CEP85L: variants seen among roughly 807,000 people sequenced by gnomAD.
CEP85L encodes the protein centrosomal protein of 85 kDa-like.
A neutral mutation model predicts 100.3 loss-of-function variants in CEP85L; 60 were observed. That is an observed-to-expected ratio of 0.60 (90% CI 0.49 to 0.74). The LOEUF (loss-of-function observed/expected upper bound fraction) is 0.74. Ranked by LOEUF, CEP85L falls within the 30% of genes least tolerant of loss-of-function variation. CEP85L has a pLI of 0.00. For missense variants in CEP85L, 973 were observed against 936.2 expected (o/e 1.04, Z -0.51); for synonymous variants, 319 against 322.7 (o/e 0.99, Z 0.12).
At chr6:118,697,753 C>A (rs1777261142) in intron 1 of CEP85L, among the ~76,000 whole-genome samples, 4 of 152,184 alleles carry the variant, frequency 2.6e-5, no homozygotes, top group Admixed American at 2.6e-4. Context: ...GATGCACTCA[C>A]ATATATACTA....
At chr6:118,577,550 C>A (rs1300805953) in intron 2 of CEP85L, among the ~76,000 whole-genome samples, 1 of 152,098 alleles carries the variant, frequency 6.6e-6, no homozygotes, top group Non-Finnish European at 1.5e-5. Context: ...AAAATGTAAA[C>A]TGGATAAATT....
intron 3 of CEP85L, among the ~76,000 whole-genome samples, chr6:118,538,295 G>A (rs1002533273): frequency 4.0e-5 from 6 of 151,732 alleles, no homozygotes; most frequent in Non-Finnish European, 7.4e-5. Context: ...AACTCTGTAA[G>A]CTTTTTGACA....
chr6:118,596,658 AT>A (rs200891597), intron 2 of CEP85L, among the ~76,000 whole-genome samples: 5 of 151,664 alleles, frequency 3.3e-5, no homozygotes, highest in African/African-American at 1.2e-4. Context: ...AATACAACTG[AT>A]TTTTTTAAAA....
upstream of CEP85L, chr6:118,651,873 T>C: frequency 1.0e-6 from 1 of 985,476 alleles, no homozygotes; most frequent in Non-Finnish European, 1.2e-6. Context: ...CTCCCTTGGG[T>C]AATCCCTCAC....
At chr6:118,585,890 C>T (rs62422189) in intron 2 of CEP85L, among the ~76,000 whole-genome samples, 19,948 of 152,156 alleles carry the variant, frequency 0.13, 1,666 homozygotes, top group Non-Finnish European at 0.18. Flanking sequence ...AGACAAAGGG[C>T]ATTCAATACC....
At chr6:118,571,006 A>G (rs1261912578) in intron 2 of CEP85L, among the ~76,000 whole-genome samples, 1 of 152,074 alleles carries the variant, frequency 6.6e-6, no homozygotes, top group East Asian at 1.9e-4. Context: ...AGAATTAAAT[A>G]TAAGAATTAA....
At chr6:118,581,882 C>A (rs1031017226) in intron 2 of CEP85L, among the ~76,000 whole-genome samples, 1 of 152,084 alleles carries the variant, frequency 6.6e-6, no homozygotes, top group African/African-American at 2.4e-5. Flanking sequence ...ATAAACCTGG[C>A]CCGCTGCGGG....
chr6:118,523,951 C>G (rs1314493703), intron 3 of CEP85L, 31 bp from the exon 4 acceptor site: 1 of 917,744 alleles, frequency 1.1e-6, no homozygotes, highest in African/African-American at 1.7e-5. Flanking sequence ...AATTAGTATA[C>G]TAAAATATTT....
intron 1 of CEP85L, among the ~76,000 whole-genome samples, chr6:118,679,370 C>G (rs538372347): frequency 2.0e-5 from 3 of 152,060 alleles, no homozygotes; most frequent in Non-Finnish European, 4.4e-5. Context: ...GATTACTAAC[C>G]AGGAAGTAAT....
chr6:118,477,551 T>C (rs1451973392), intron 10 of CEP85L, among the ~76,000 whole-genome samples: 1 of 151,358 alleles, frequency 6.6e-6, no homozygotes, highest in African/African-American at 2.4e-5. Context: ...TAGCCTGGGA[T>C]TTTTTTTTCC....
At chr6:118,591,863 G>A (rs77175832) in intron 2 of CEP85L, among the ~76,000 whole-genome samples, 5,751 of 152,212 alleles carry the variant, frequency 0.038, 210 homozygotes, top group East Asian at 0.2. Flanking sequence ...TATACATCAT[G>A]TTTAAGAATT....
At chr6:118,580,953 A>AT (rs1780540355) in intron 2 of CEP85L, among the ~76,000 whole-genome samples, 1 of 152,048 alleles carries the variant, frequency 6.6e-6, no homozygotes, top group African/African-American at 2.4e-5. Flanking sequence ...AGCACACGGC[A>AT]TTTCCAGGTC....
intron 6 of CEP85L, among the ~76,000 whole-genome samples, chr6:118,484,128 G>C (rs1774001045): frequency 6.6e-6 from 1 of 152,020 alleles, no homozygotes; most frequent in African/African-American, 2.4e-5. Context: ...TGGCCAATAT[G>C]GCAAAACCCT....
chr6:118,587,148 T>C (rs1780908985), intron 2 of CEP85L, among the ~76,000 whole-genome samples: 1 of 152,226 alleles, frequency 6.6e-6, no homozygotes, highest in South Asian at 2.1e-4. Flanking sequence ...AGGAACCTTA[T>C]AGTTACCCGG....
chr6:118,651,165 C>A, intron 1 of CEP85L, 32 bp downstream of exon 1: 6 of 1,484,598 alleles, frequency 4.0e-6, no homozygotes, highest in Non-Finnish European at 5.3e-6. Flanking sequence ...CCGTGACCCC[C>A]ACCCCAGCCG....
chr6:118,599,886 T>C (rs1409355880), intron 2 of CEP85L, among the ~76,000 whole-genome samples: 3 of 152,056 alleles, frequency 2.0e-5, no homozygotes, highest in Non-Finnish European at 4.4e-5. Context: ...GTTAAGGTTA[T>C]GAAAAATAGG....
intron 3 of CEP85L, among the ~76,000 whole-genome samples, chr6:118,543,817 C>T (rs1346780663): frequency 6.6e-6 from 1 of 152,112 alleles, no homozygotes; most frequent in Non-Finnish European, 1.5e-5. Context: ...ATAAAAAGTT[C>T]TCAGCATGTG....
chr6:118,688,722 C>T (rs1776927833), intron 1 of CEP85L, among the ~76,000 whole-genome samples: 1 of 152,196 alleles, frequency 6.6e-6, no homozygotes, highest in Admixed American at 6.5e-5. Flanking sequence ...ACGTTGGAGC[C>T]TCCTTTCCAT....
chr6:118,693,964 T>C (rs1363631223), intron 1 of CEP85L, among the ~76,000 whole-genome samples: 1 of 152,150 alleles, frequency 6.6e-6, no homozygotes, highest in Non-Finnish European at 1.5e-5. Context: ...ATTTTGGGCT[T>C]CTGGGGTGAA....
Sources: allele counts gnomAD v4.1 joint callset (sites outside exome capture counted in the v4.1 genomes callset), GRCh38; gene constraint gnomAD v4.1.1; transcripts MANE v1.5; gene names NCBI Gene and HGNC (gene_info 2026-07-23, HGNC 2026-07-21).